The following PTPRO variants were observed in gnomAD, a reference collection of about 807,000 sequenced individuals.
PTPRO encodes the protein protein tyrosine phosphatase receptor type O.
PTPRO carries 62 observed loss-of-function variants against 145.2 expected under a neutral mutation model. The ratio of observed to expected loss-of-function variants is 0.43; its 90% CI spans 0.35 to 0.53. The LOEUF is 0.53. Ranked by LOEUF, PTPRO falls within the 20% of genes least tolerant of loss-of-function variation. The probability of loss-of-function intolerance (pLI) is 0.01; values close to 1 mark genes in which losing one functional copy is unlikely to be tolerated. For missense variants in PTPRO, 1,345 were observed against 1,482.7 expected (o/e 0.91, Z 1.53); for synonymous variants, 565 against 514.7 (o/e 1.10, Z -1.32).
At position 15,597,626 on chromosome 12, in the gene PTPRO, C is replaced by A. The variant is rs542623321; in HGVS notation, c.*1553C>A. ...ACTGAAAAGGCTTGGCCATGGCAGA[C>A]CTTGGCAGAGTTTCTTGCAAGATCT... On this transcript the variant is annotated 3_prime_UTR_variant, in exon 27 of 27. Coordinates refer to ENST00000281171, the MANE Select transcript of PTPRO (RefSeq NM_030667.3). Among the ~76,000 whole-genome samples the A allele has an allele frequency of 1.3e-5, 2 of 152,282 alleles. No individual in the cohort carries two copies. Among genetic ancestry groups the A allele is most frequent in the South Asian group, 2.1e-4 (1 of 4,820 alleles).
chr12:15,522,774 A>T (rs1942752675), intron 10 of PTPRO, among the ~76,000 whole-genome samples: 2 of 152,212 alleles, frequency 1.3e-5, no homozygotes, highest in South Asian at 4.1e-4. Flanking sequence ...ACAAATAGTG[A>T]CATCTTGTGG....
chr12:15,405,205 G>A (rs1215603129), intron 1 of PTPRO, among the ~76,000 whole-genome samples: 1 of 152,166 alleles, frequency 6.6e-6, no homozygotes, highest in Non-Finnish European at 1.5e-5. Context: ...ATATGTTTAA[G>A]GGAGGAAATA....
chr12:15,382,178 T>TATATATATATATATATATA (rs1565597910), intron 1 of PTPRO, among the ~76,000 whole-genome samples: 1 of 133,214 alleles, frequency 7.5e-6, no homozygotes, highest in African/African-American at 3.3e-5. Context: ...ATATATATAT[T>TATATATATATATATATATA]TATATTTATA....
chr12:15,413,625 G>A (rs1244027440), intron 1 of PTPRO, among the ~76,000 whole-genome samples: 1 of 152,066 alleles, frequency 6.6e-6, no homozygotes, highest in African/African-American at 2.4e-5. Flanking sequence ...GACCAGCCTA[G>A]CAAAGATGAT....
intron 7 of PTPRO, among the ~76,000 whole-genome samples, chr12:15,512,107 G>T (rs7313043): frequency 0.43 from 64,218 of 149,936 alleles, 14,094 homozygotes; most frequent in Admixed American, 0.53. Context: ...ATGTTTTTTT[G>T]TTTGTTTGTT....
At chr12:15,465,734 G>A (rs188404317) in intron 1 of PTPRO, among the ~76,000 whole-genome samples, 59 of 152,302 alleles carry the variant, frequency 3.9e-4, no homozygotes, top group African/African-American at 1.2e-3. Context: ...GGAAGCAGCC[G>A]GGGCATATGG....
At chr12:15,411,559 G>A (rs763422030) in intron 1 of PTPRO, among the ~76,000 whole-genome samples, 18 of 152,188 alleles carry the variant, frequency 1.2e-4, no homozygotes, top group Non-Finnish European at 2.4e-4. Context: ...AACAGTAGCT[G>A]TGTATTCGTA....
intron 1 of PTPRO, among the ~76,000 whole-genome samples, chr12:15,417,208 A>G (rs1203020729): frequency 6.6e-6 from 1 of 151,676 alleles, no homozygotes; most frequent in Non-Finnish European, 1.5e-5. Context: ...TATAATGGAC[A>G]TACAGCCTGA....
intron 1 of PTPRO, among the ~76,000 whole-genome samples, chr12:15,388,710 C>T (rs1478920258): frequency 6.6e-6 from 1 of 152,224 alleles, no homozygotes; most frequent in East Asian, 1.9e-4. Flanking sequence ...TTCTAAAATG[C>T]TCTATCTGAT....
At chr12:15,449,050 A>T (rs9651808) in intron 1 of PTPRO, among the ~76,000 whole-genome samples, 4 of 151,436 alleles carry the variant, frequency 2.6e-5, no homozygotes, top group African/African-American at 9.7e-5. Context: ...ATTCGCAAAT[A>T]GGGCATCCCC....
intron 8 of PTPRO, among the ~76,000 whole-genome samples, chr12:15,516,445 AAAG>A (rs375277938): frequency 1.2e-5 from 1 of 85,358 alleles, no homozygotes; most frequent in African/African-American, 3.8e-5. Flanking sequence ...AGAGAGTGAG[AAAG>A]AAGAGAGTGA....
chr12:15,481,046 T>C (rs1941768788), intron 1 of PTPRO, among the ~76,000 whole-genome samples: 4 of 151,976 alleles, frequency 2.6e-5, no homozygotes, highest in Admixed American at 2.0e-4. Flanking sequence ...AAGAAAAGAG[T>C]AATGGATAAG....
Position 15,322,692 on chromosome 12 carries a change from C to T in PTPRO, c.-35C>T. On this transcript the variant is annotated 5_prime_UTR_variant, in exon 1 of 27. Coordinates refer to ENST00000281171, the MANE Select transcript of PTPRO (RefSeq NM_030667.3). The surrounding 1 kb of genome is among the most constrained non-coding windows in gnomAD (Gnocchi z 6.3). ...AGCCGCCGCCGGGGGAGTCCGCTAG[C>T]GCAGCCGTGCCCCCGAGTCCCCGTC... 1 of 1,584,092 alleles carries T rather than the reference C, an allele frequency of 6.3e-7. No homozygotes were observed. Among genetic ancestry groups the T allele is most frequent in the Non-Finnish European group, 8.6e-7 (1 of 1,160,454 alleles).
chr12:15,335,365 T>A (rs549371935), intron 1 of PTPRO, among the ~76,000 whole-genome samples: 51 of 152,190 alleles, frequency 3.4e-4, no homozygotes, highest in African/African-American at 1.1e-3. Flanking sequence ...CATGTGGTCA[T>A]CTCTTAAAGG....
intron 1 of PTPRO, among the ~76,000 whole-genome samples, chr12:15,475,961 C>T (rs941045408): frequency 2.6e-5 from 4 of 152,062 alleles, no homozygotes; most frequent in Admixed American, 2.6e-4. Flanking sequence ...TGTTCCAGAT[C>T]CCCTCTTGTA....
intron 2 of PTPRO, among the ~76,000 whole-genome samples, chr12:15,496,156 T>G (rs1000838245): frequency 7.0e-6 from 1 of 142,758 alleles, no homozygotes. Flanking sequence ...TTTTTTTTTT[T>G]TTTTTTTTGA....
At position 15,515,600 on chromosome 12, in the gene PTPRO, C is replaced by A. The variant is rs1347463234; in HGVS notation, c.1567C>A (p.Pro523Thr). The A allele has an allele frequency of 6.8e-6, 11 of 1,613,890 alleles. No individual in the cohort carries two copies. Among genetic ancestry groups the A allele is most frequent in the Non-Finnish European group, 6.8e-6 (8 of 1,179,976 alleles). ...CCCTTTGATTGGACCACCTTCAGATCCTGTGACATTTGCTATTGGTAAGTT... is the reference window on the plus strand; with the variant it reads ...CCCTTTGATTGGACCACCTTCAGATACTGTGACATTTGCTATTGGTAAGTT... The part of the protein sequence containing the change: ...KGPLIGPPSD[P>T]VTFAIVPTGI... The change falls in exon 8 of 27, where the codon CCT becomes ACT. Residue 523 changes from proline (P) to threonine (T), a missense_variant. Coordinates refer to ENST00000281171, the MANE Select transcript of PTPRO (RefSeq NM_030667.3).
intron 1 of PTPRO, among the ~76,000 whole-genome samples, chr12:15,466,393 A>G (rs192468766): frequency 1.0e-3 from 155 of 152,312 alleles, no homozygotes; most frequent in Non-Finnish European, 3.5e-4. Context: ...AAAAATGCAC[A>G]TTGAAAAATT....
rs148826736 is a variant in PTPRO at position 15,500,083 on chromosome 12, G to GTGGGTGGATGGATGGA, written c.661+492_661+493insGTGGATGGATGGATGG. On this transcript the variant is annotated intron_variant, in intron 4 of 26. Transcript: ENST00000281171. ...CATGGATGGATGGATAGATGGATGG[G>GTGGGTGGATGGATGGA]TGGATGGATGGATGGATGGATGGAT... Among the ~76,000 whole-genome samples, 594 of 150,044 alleles carry GTGGGTGGATGGATGGA rather than the reference G, an allele frequency of 4.0e-3. 3 individuals carry two copies. Among genetic ancestry groups the GTGGGTGGATGGATGGA allele is most frequent in the Middle Eastern group, 6.9e-3 (2 of 290 alleles).
Sources: gnomAD v4.1 joint callset for allele counts (sites outside exome capture counted in the v4.1 genomes callset) on GRCh38, gnomAD v4.1.1 for gene constraint, Gnocchi (gnomAD v3.1) non-coding constraint, MANE v1.5 for transcripts, NCBI Gene and HGNC (gene_info 2026-07-23, HGNC 2026-07-21) for gene names.